CAMK1D: variants seen among roughly 807,000 people sequenced by gnomAD.
The protein encoded by CAMK1D is calcium/calmodulin-dependent protein kinase type 1D.
CAMK1D carries 9 observed loss-of-function variants against 47.7 expected under a neutral mutation model. That is an observed-to-expected ratio of 0.19 (90% CI 0.11 to 0.33). The LOEUF is 0.33. Among genes scored for constraint, CAMK1D ranks in the 10% least tolerant of loss-of-function variants. The pLI is 1.00. For synonymous variants in CAMK1D, 184 were observed against 184.9 expected (o/e 0.99, Z 0.04); for missense variants, 291 against 488.7 (o/e 0.60, Z 3.81).
intron 6 of CAMK1D, among the ~76,000 whole-genome samples, chr10:12,798,915 C>G (rs999710801): frequency 6.6e-6 from 1 of 152,182 alleles, no homozygotes; most frequent in Non-Finnish European, 1.5e-5. Flanking sequence ...AGCAGCAGCA[C>G]TCAGCAGGAC....
At chr10:12,350,782 C>G (rs1306347597) in intron 1 of CAMK1D, among the ~76,000 whole-genome samples, 4 of 152,298 alleles carry the variant, frequency 2.6e-5, no homozygotes, top group African/African-American at 9.6e-5. Context: ...CAGGACCTGC[C>G]GAATGAGTCT....
intron 1 of CAMK1D, among the ~76,000 whole-genome samples, chr10:12,455,077 G>A (rs139257366): frequency 1.3e-5 from 2 of 152,250 alleles, no homozygotes; most frequent in East Asian, 1.9e-4. Context: ...AGCTTCCCTC[G>A]AGGCAGATTT....
intron 2 of CAMK1D, among the ~76,000 whole-genome samples, chr10:12,641,637 A>T (rs758837824): frequency 2.6e-5 from 4 of 151,904 alleles, no homozygotes; most frequent in Non-Finnish European, 2.9e-5. Context: ...AAAAGCAAAG[A>T]AAAAAAGAGA....
At chr10:12,600,621 TTTTG>T (rs1351525470) in intron 2 of CAMK1D, among the ~76,000 whole-genome samples, 6 of 152,334 alleles carry the variant, frequency 3.9e-5, no homozygotes, top group South Asian at 2.1e-4. Flanking sequence ...TGCTCAGAGA[TTTTG>T]TTTGTTTGTT....
chr10:12,371,435 G>T (rs1451111070), intron 1 of CAMK1D, among the ~76,000 whole-genome samples: 1 of 151,702 alleles, frequency 6.6e-6, no homozygotes, highest in Non-Finnish European at 1.5e-5. Context: ...AATTAGTCGG[G>T]CTTAGTGGCG....
intron 4 of CAMK1D, among the ~76,000 whole-genome samples, chr10:12,766,797 G>GA (rs1836785335): frequency 6.6e-6 from 1 of 152,090 alleles, no homozygotes; most frequent in South Asian, 2.1e-4. Context: ...CCGTGGTGGG[G>GA]GGATTCTCCA....
At chr10:12,541,497 G>A (rs942178356) in intron 1 of CAMK1D, among the ~76,000 whole-genome samples, 2 of 152,186 alleles carry the variant, frequency 1.3e-5, no homozygotes, top group Non-Finnish European at 2.9e-5. Flanking sequence ...CTGAGTAGCT[G>A]GGATTACAGG....
intron 2 of CAMK1D, among the ~76,000 whole-genome samples, chr10:12,575,439 G>A (rs1837463449): frequency 6.6e-6 from 1 of 152,060 alleles, no homozygotes; most frequent in Admixed American, 6.6e-5. Context: ...TTGATATCCT[G>A]TCTCCTTTGC....
intron 3 of CAMK1D, among the ~76,000 whole-genome samples, chr10:12,737,557 C>T (rs1418721619): frequency 1.3e-5 from 2 of 152,166 alleles, no homozygotes; most frequent in African/African-American, 4.8e-5. Flanking sequence ...CCACTTTCCC[C>T]AGGTCCCAGC....
At chr10:12,578,801 AGT>A (rs1564424389) in intron 2 of CAMK1D, 1 of 154,196 alleles carries the variant, frequency 6.5e-6, no homozygotes, top group Admixed American at 6.6e-5. Context: ...TAAGTAGCCA[AGT>A]GGAAGTTACT....
chr10:12,521,087 T>G (rs1466360245), intron 1 of CAMK1D, among the ~76,000 whole-genome samples: 2 of 152,190 alleles, frequency 1.3e-5, no homozygotes, highest in Non-Finnish European at 2.9e-5. Context: ...TTTGATTGAT[T>G]TGCTTTATTG....
At chr10:12,389,351 G>A (rs1838638447) in intron 1 of CAMK1D, among the ~76,000 whole-genome samples, 1 of 152,158 alleles carries the variant, frequency 6.6e-6, no homozygotes, top group Admixed American at 6.6e-5. Flanking sequence ...GGGACATCAA[G>A]GATTCTGGGA....
intron 1 of CAMK1D, among the ~76,000 whole-genome samples, chr10:12,355,432 C>T (rs760784393): frequency 6.6e-6 from 1 of 151,842 alleles, no homozygotes; most frequent in African/African-American, 2.4e-5. Flanking sequence ...CTCAACTTTT[C>T]TTTTTTGGTG....
At chr10:12,726,299 C>T (rs568258073) in intron 3 of CAMK1D, among the ~76,000 whole-genome samples, 78 of 152,034 alleles carry the variant, frequency 5.1e-4, no homozygotes, top group African/African-American at 1.7e-3. Context: ...TGGCACGCAC[C>T]TGTAGTCCCA....
At chr10:12,700,598 C>T (rs891477785) in intron 3 of CAMK1D, among the ~76,000 whole-genome samples, 5 of 152,156 alleles carry the variant, frequency 3.3e-5, no homozygotes, top group African/African-American at 1.2e-4. Flanking sequence ...TAGCACTGTG[C>T]CTGCGGCCTG....
chr10:12,432,644 G>C (rs913540110), intron 1 of CAMK1D, among the ~76,000 whole-genome samples: 20 of 152,230 alleles, frequency 1.3e-4, no homozygotes, highest in Admixed American at 8.5e-4. Flanking sequence ...GAATGAATGG[G>C]CAAATGAACA....
chr10:12,659,593 GAT>G (rs1840215950), intron 2 of CAMK1D, among the ~76,000 whole-genome samples: 1 of 152,156 alleles, frequency 6.6e-6, no homozygotes, highest in African/African-American at 2.4e-5. Context: ...TTCCCACACT[GAT>G]TATAATGTGA....
intron 3 of CAMK1D, among the ~76,000 whole-genome samples, chr10:12,708,729 C>G (rs1451580442): frequency 1.3e-5 from 2 of 152,122 alleles, no homozygotes; most frequent in Non-Finnish European, 2.9e-5. Context: ...TTCTTCTATT[C>G]ATTTTGAGGT....
chr10:12,749,558 G>GTTGTT (rs1554820831), intron 3 of CAMK1D, among the ~76,000 whole-genome samples: 16,928 of 135,280 alleles, frequency 0.13, 1,580 homozygotes, highest in East Asian at 0.25. Flanking sequence ...TTTTTTGTTT[G>GTTGTT]TTTGTTTGTT....
Sources: allele counts gnomAD v4.1 joint callset (sites outside exome capture counted in the v4.1 genomes callset), GRCh38; gene constraint gnomAD v4.1.1; transcripts MANE v1.5; gene names NCBI Gene and HGNC (gene_info 2026-07-23, HGNC 2026-07-21).